Variants in TMEM117 observed in about 807,000 individuals in gnomAD.
TMEM117 encodes transmembrane protein 117.
In TMEM117, 27 loss-of-function variants were observed where a neutral mutation model predicts 52.4. That is an observed-to-expected ratio of 0.51 (90% CI 0.38 to 0.71). The LOEUF (loss-of-function observed/expected upper bound fraction) is 0.71, where lower values mean the gene tolerates loss of function less well. Among genes scored for constraint, TMEM117 ranks in the 30% least tolerant of loss-of-function variants. TMEM117 has a pLI of 0.00. For synonymous variants in TMEM117, 215 were observed against 206.3 expected (o/e 1.04, Z -0.36); for missense variants, 556 against 630.5 (o/e 0.88, Z 1.26).
the TMEM117 span, among the ~76,000 whole-genome samples, chr12:43,826,414 A>C: frequency 1.2e-3 from 184 of 152,226 alleles, 1 homozygote; most frequent in African/African-American, 4.4e-3. Context: ...CCATATTTCC[A>C]ATTGCCAGCT....
At chr12:44,212,598 G>A (rs1338972846) in intron 5 of TMEM117, among the ~76,000 whole-genome samples, 11 of 152,120 alleles carry the variant, frequency 7.2e-5, no homozygotes, top group South Asian at 2.1e-4. Context: ...AAGGAAAAAT[G>A]TTTGTGCATA....
chr12:43,973,889 AT>A (rs1437957756), intron 3 of TMEM117, among the ~76,000 whole-genome samples: 1 of 152,186 alleles, frequency 6.6e-6, no homozygotes, highest in African/African-American at 2.4e-5. Flanking sequence ...TGACTTTAAA[AT>A]CTTTTAAGTA....
intron 6 of TMEM117, among the ~76,000 whole-genome samples, chr12:44,324,285 A>G (rs1378105060): frequency 6.6e-6 from 1 of 152,002 alleles, no homozygotes; most frequent in East Asian, 1.9e-4. Context: ...TTCTTTTCCT[A>G]TGATGATACT....
Position 43,896,584 on chromosome 12 carries a change from T to G in TMEM117, c.278-47626T>G, listed in dbSNP as rs143466494. Among the ~76,000 whole-genome samples, 714 of 152,220 alleles carry G rather than the reference T, an allele frequency of 4.7e-3. 7 individuals are homozygous for G. The highest frequency in any genetic ancestry group is 0.016 in the African/African-American group (662 of 41,550). On this transcript the variant is annotated intron_variant, in intron 2 of 7. Coordinates refer to ENST00000266534, the MANE Select transcript of TMEM117 (RefSeq NM_032256.3). ...AACCCCATGTTTTTGAACATTGGATTCATTGTAACAGTCACTTCTAGGTTG... is the reference window on the plus strand; with the variant it reads ...AACCCCATGTTTTTGAACATTGGATGCATTGTAACAGTCACTTCTAGGTTG...
chr12:44,081,209 C>A (rs1592499815), intron 3 of TMEM117, among the ~76,000 whole-genome samples: 1 of 152,014 alleles, frequency 6.6e-6, no homozygotes, highest in Non-Finnish European at 1.5e-5. Context: ...AAAGAATAAT[C>A]CATTTTAGCC....
intron 4 of TMEM117, among the ~76,000 whole-genome samples, chr12:44,186,682 A>G (rs1565568356): frequency 6.6e-6 from 1 of 152,160 alleles, no homozygotes; most frequent in African/African-American, 2.4e-5. Context: ...ATCCTGGAAG[A>G]CTAATTTTAC....
chr12:44,047,856 A>G (rs1056674733), intron 3 of TMEM117, among the ~76,000 whole-genome samples: 1 of 152,124 alleles, frequency 6.6e-6, no homozygotes, highest in African/African-American at 2.4e-5. Flanking sequence ...GCACCAATTT[A>G]TTGTTAGAAT....
chr12:44,153,934 A>G (rs866579304), intron 4 of TMEM117, among the ~76,000 whole-genome samples: 2 of 152,210 alleles, frequency 1.3e-5, no homozygotes, highest in Middle Eastern at 6.8e-3. Flanking sequence ...CAGGGAATAC[A>G]ATATTTGATA....
chr12:44,249,287 A>G (rs1416025798), intron 5 of TMEM117, among the ~76,000 whole-genome samples: 1 of 152,168 alleles, frequency 6.6e-6, no homozygotes, highest in Non-Finnish European at 1.5e-5. Flanking sequence ...TTCTAGGCTG[A>G]GGTCTGCAGG....
At chr12:43,969,109 T>C (rs1180701587) in intron 3 of TMEM117, among the ~76,000 whole-genome samples, 5 of 152,032 alleles carry the variant, frequency 3.3e-5, no homozygotes, top group African/African-American at 1.2e-4. Flanking sequence ...ATCTTTTTAC[T>C]TTACAGAATG....
chr12:44,396,255 A>G, the TMEM117 span, among the ~76,000 whole-genome samples: 1 of 151,864 alleles, frequency 6.6e-6, no homozygotes, highest in Admixed American at 6.6e-5. Context: ...CCGCTTTTCC[A>G]CCATAACCAG....
At chr12:43,951,849 C>T (rs970108604) in intron 3 of TMEM117, among the ~76,000 whole-genome samples, 1 of 152,164 alleles carries the variant, frequency 6.6e-6, no homozygotes, top group Non-Finnish European at 1.5e-5. Flanking sequence ...CTGGGTGAGA[C>T]CTCCAAACAG....
chr12:43,928,431 A>G (rs1344064760), intron 2 of TMEM117, among the ~76,000 whole-genome samples: 3 of 152,054 alleles, frequency 2.0e-5, no homozygotes, highest in Non-Finnish European at 4.4e-5. Context: ...AAATGAAGGT[A>G]TATAGGAGGT....
intron 4 of TMEM117, among the ~76,000 whole-genome samples, chr12:44,162,339 T>G (rs1190464802): frequency 1.3e-5 from 2 of 152,148 alleles, no homozygotes; most frequent in African/African-American, 4.8e-5. Context: ...TTCCTCAATA[T>G]TCTTCTGCAT....
At chr12:44,353,448 T>G (rs932692328) in intron 6 of TMEM117, among the ~76,000 whole-genome samples, 2 of 152,164 alleles carry the variant, frequency 1.3e-5, no homozygotes, top group Non-Finnish European at 2.9e-5. Flanking sequence ...TGTAAGTCTT[T>G]AATCCATCTT....
chr12:44,249,293 G>A (rs1378255757), intron 5 of TMEM117, among the ~76,000 whole-genome samples: 1 of 152,140 alleles, frequency 6.6e-6, no homozygotes. Context: ...GCTGAGGTCT[G>A]CAGGAGATAG....
chr12:43,910,167 C>G (rs1433243604), intron 2 of TMEM117, among the ~76,000 whole-genome samples: 14 of 147,694 alleles, frequency 9.5e-5, no homozygotes, highest in Non-Finnish European at 1.6e-4. Context: ...GGCTTCATCC[C>G]TGGGATGCAA....
chr12:44,254,773 G>A (rs1950238678), intron 5 of TMEM117, among the ~76,000 whole-genome samples: 1 of 151,866 alleles, frequency 6.6e-6, no homozygotes, highest in Non-Finnish European at 1.5e-5. Context: ...TCGTCATTTA[G>A]CATTAGGTAT....
At chr12:43,806,107 G>C in the TMEM117 span, 16 of 1,522,734 alleles carry the variant, frequency 1.1e-5, no homozygotes, top group Non-Finnish European at 1.4e-5. Context: ...CGCCCCGCGA[G>C]ACCGACTTCC....
Sources: allele counts gnomAD v4.1 joint callset (sites outside exome capture counted in the v4.1 genomes callset), GRCh38; gene constraint gnomAD v4.1.1; transcripts MANE v1.5; gene names NCBI Gene and HGNC (gene_info 2026-07-23, HGNC 2026-07-21).